Variants in LINGO1 observed in about 807,000 individuals in gnomAD.
The protein encoded by LINGO1 is leucine rich repeat and Ig domain containing 1, also known as leucine-rich repeat and immunoglobulin-like domain-containing nogo receptor-interacting protein 1.
Under a neutral mutation model 37.3 loss-of-function variants are expected in LINGO1, and 11 were observed. The ratio of observed to expected loss-of-function variants is 0.29; its 90% confidence interval spans 0.19 to 0.49. The LOEUF is 0.49. Ranked by LOEUF, LINGO1 falls within the 20% of genes least tolerant of loss-of-function variation. The probability of loss-of-function intolerance (pLI) is 0.99; values close to 1 mark genes in which losing one functional copy is unlikely to be tolerated. For synonymous variants in LINGO1, 387 were observed against 403.0 expected (o/e 0.96, Z 0.48); for missense variants, 585 against 878.2 (o/e 0.67, Z 4.22).
intron 1 of LINGO1, among the ~76,000 whole-genome samples, chr15:77,751,512 G>A (rs1477199897): frequency 2.0e-5 from 3 of 152,172 alleles, no homozygotes; most frequent in Non-Finnish European, 4.4e-5. Context: ...AGAACACAGT[G>A]AAAGCCTATG....
At position 77,614,562 on chromosome 15, in the gene LINGO1, C is replaced by T. The variant is rs539526244; in HGVS notation, c.1345G>A (p.Asp449Asn). ...GHTVQFVCRA[D>N]GDPPPAILWL... ...AGGATGGCGGGCGGCGGGTCGCCAT[C>T]GGCCCGGCACACAAACTGCACCGTG... The change falls in exon 2 of 2, where the codon GAT becomes AAT. Residue 449 changes from aspartate (D) to asparagine (N), a missense_variant. By Grantham distance (23) the Asp-to-Asn change is conservative. Around this residue, in one of 4 missense-constraint regions of LINGO1, gnomAD observed 484 missense variants for 735.0 expected, o/e 0.66. Transcript: ENST00000355300. 17 of 1,610,128 alleles carry T rather than the reference C, an allele frequency of 1.1e-5. No homozygotes were observed. The highest frequency in any genetic ancestry group is 8.8e-5 in the South Asian group (8 of 90,716).
At chr15:77,707,400 T>C (rs1240551908) in intron 2 of LINGO1, 1 of 152,180 alleles carries the variant, frequency 6.6e-6, no homozygotes, top group Non-Finnish European at 1.5e-5. Context: ...TCACCATGAC[T>C]CTTGAAGCAC....
At chr15:77,706,382 T>C (rs556874318) in intron 2 of LINGO1, among the ~76,000 whole-genome samples, 1 of 152,328 alleles carries the variant, frequency 6.6e-6, no homozygotes, top group South Asian at 2.1e-4. Context: ...GCAGCACTGT[T>C]GAACCCTAAG....
intron 1 of LINGO1, among the ~76,000 whole-genome samples, chr15:77,629,330 CCAAA>C (rs2074186051): frequency 6.6e-6 from 1 of 151,310 alleles, no homozygotes; most frequent in Non-Finnish European, 1.5e-5. Context: ...TCTTCCACAA[CCAAA>C]CAGAGGTCAG....
At chr15:77,640,831 T>G (rs1345747730) in intron 3 of LINGO1, among the ~76,000 whole-genome samples, 1 of 41,718 alleles carries the variant, frequency 2.4e-5, no homozygotes, top group Non-Finnish European at 5.6e-5. Context: ...CATCTCCTCA[T>G]TCATTCATTC....
intron 1 of LINGO1, among the ~76,000 whole-genome samples, chr15:77,785,310 G>A (rs536518709): frequency 3.9e-5 from 6 of 152,272 alleles, no homozygotes; most frequent in East Asian, 3.9e-4. Context: ...GGCTGAAGGC[G>A]GCCCGCAGGC....
chr15:77,633,314 G>A (rs1417606086), upstream of LINGO1, among the ~76,000 whole-genome samples: 1 of 152,176 alleles, frequency 6.6e-6, no homozygotes, highest in Non-Finnish European at 1.5e-5. Flanking sequence ...GCATGTGAGC[G>A]CGCGAGTGTG....
intron 1 of LINGO1, among the ~76,000 whole-genome samples, chr15:77,617,758 A>G (rs1284317809): frequency 6.6e-6 from 1 of 152,238 alleles, no homozygotes; most frequent in African/African-American, 2.4e-5. Flanking sequence ...GTCTGCCCAC[A>G]AAACCACACA....
At chr15:77,817,519 C>T (rs1286136644) in intron 1 of LINGO1, among the ~76,000 whole-genome samples, 5 of 152,156 alleles carry the variant, frequency 3.3e-5, no homozygotes, top group South Asian at 2.1e-4. Flanking sequence ...TGACAGGAGC[C>T]GGGCTTCCAA....
intron 2 of LINGO1, among the ~76,000 whole-genome samples, chr15:77,730,610 C>T (rs1270931164): frequency 6.6e-6 from 1 of 152,248 alleles, no homozygotes; most frequent in Non-Finnish European, 1.5e-5. Flanking sequence ...GCTGCACAGG[C>T]AGGCATCAGG....
At chr15:77,755,409 G>A (rs1035946892) in intron 1 of LINGO1, among the ~76,000 whole-genome samples, 11 of 152,240 alleles carry the variant, frequency 7.2e-5, no homozygotes, top group Admixed American at 7.2e-4. Flanking sequence ...AGCATGGAGG[G>A]GAAGCAGCAC....
At chr15:77,679,021 T>C (rs2075371638) in intron 2 of LINGO1, among the ~76,000 whole-genome samples, 1 of 152,032 alleles carries the variant, frequency 6.6e-6, no homozygotes, top group African/African-American at 2.4e-5. Flanking sequence ...TCCTGCCTGA[T>C]TCCTGAGTAG....
In LINGO1 at chr15:77,776,488, A is replaced by AGGAAGGCAGGAAGGCAGGAAG. The variant is rs1567577582; in HGVS notation, c.-257+10380_-257+10381insCTTCCTGCCTTCCTGCCTTCC. On this transcript the variant is annotated intron_variant, in intron 1 of 3. Coordinates refer to the LINGO1 transcript ENST00000561686. ...AGGCAGGAAGGCAGGAAGGCAGGAA[A>AGGAAGGCAGGAAGGCAGGAAG]GCAGGAAGGCAGGAAGGCAGGAAGG... Among the ~76,000 whole-genome samples the AGGAAGGCAGGAAGGCAGGAAG allele has an allele frequency of 8.8e-5, 8 of 90,678 alleles. No individual in the cohort carries two copies. In the East Asian group the frequency reaches 1.2e-3, roughly 14 times the overall value. The allele number at this position is 90,678 out of a possible 152,430, so 59.5% of individuals were successfully genotyped here. A position where few individuals can be genotyped will look rare whatever the true frequency, so the allele number is the denominator to read the frequency against.
Position 77,647,890 on chromosome 15 carries a change from T to A in LINGO1, c.-13+29199A>T, listed in dbSNP as rs1216788791. The A allele has an allele frequency of 2.0e-5, 9 of 456,672 alleles. 2 individuals carry two copies. The highest frequency in any genetic ancestry group is 1.4e-4 in the South Asian group (9 of 64,556). 28.3% of individuals were successfully genotyped at this position (456,672 alleles called of 1,614,324 possible). ...GCTGCTGGAGTCACAGAGGAAATAT[T>A]TTTCTGGCTACGTTGCACATTCCCC... On this transcript the variant is annotated intron_variant, in intron 3 of 3. Transcript: ENST00000559893.
At chr15:77,741,714 G>A (rs1227762969) in intron 1 of LINGO1, among the ~76,000 whole-genome samples, 1 of 152,266 alleles carries the variant, frequency 6.6e-6, no homozygotes, top group Non-Finnish European at 1.5e-5. Flanking sequence ...GCAGTCCCCT[G>A]AGGCTGCAGG....
At chr15:77,747,541 C>T (rs2076326381) in intron 1 of LINGO1, among the ~76,000 whole-genome samples, 2 of 152,210 alleles carry the variant, frequency 1.3e-5, no homozygotes, top group African/African-American at 4.8e-5. Context: ...GAATGCCCAC[C>T]AATTCCCAGT....
At chr15:77,809,377 C>G (rs1293891733) in intron 1 of LINGO1, among the ~76,000 whole-genome samples, 1 of 152,254 alleles carries the variant, frequency 6.6e-6, no homozygotes, top group Non-Finnish European at 1.5e-5. Flanking sequence ...ACCCCCACCC[C>G]TAACCAGGCG....
intron 2 of LINGO1, among the ~76,000 whole-genome samples, chr15:77,722,819 A>C (rs761547288): frequency 2.6e-5 from 4 of 152,150 alleles, no homozygotes; most frequent in Non-Finnish European, 2.9e-5. Flanking sequence ...GGAATTTGAG[A>C]ACCATCACAA....
chr15:77,766,413 C>A (rs2076531316), intron 1 of LINGO1, among the ~76,000 whole-genome samples: 1 of 144,860 alleles, frequency 6.9e-6, no homozygotes, highest in Non-Finnish European at 1.5e-5. Flanking sequence ...GCAAAAAAAA[C>A]TCAAAATATG....
Sources: gnomAD v4.1 joint callset for allele counts (sites outside exome capture counted in the v4.1 genomes callset) on GRCh38, gnomAD v4.1.1 for gene constraint, gnomAD v4.1.1 regional missense constraint, MANE v1.5 for transcripts, NCBI Gene and HGNC (gene_info 2026-07-23, HGNC 2026-07-21) for gene names.